Variants in MACROD2 observed in about 807,000 individuals in gnomAD.
MACROD2 encodes the protein ADP-ribose glycohydrolase MACROD2.
A neutral mutation model predicts 70.4 loss-of-function variants in MACROD2; 36 were observed. The observed-to-expected ratio is 0.51, with a 90% CI of 0.39 to 0.68. The LOEUF is 0.68. Among genes scored for constraint, MACROD2 ranks in the 30% least tolerant of loss-of-function variants. The pLI, the probability that MACROD2 is intolerant of heterozygous loss-of-function variation, is 0.00. For synonymous variants in MACROD2, 172 were observed against 178.8 expected, an observed-to-expected ratio of 0.96 and a Z score of 0.30; for missense variants, 496 against 538.4, an observed-to-expected ratio of 0.92 and a Z score of 0.78.
chr20:15,497,970 ATTAACT>A (rs1222619614), intron 7 of MACROD2, among the ~76,000 whole-genome samples: 1 of 152,212 alleles, frequency 6.6e-6, no homozygotes, highest in Non-Finnish European at 1.5e-5. Flanking sequence ...TTAACTGACA[ATTAACT>A]TTAAAGAAAA....
chr20:15,581,978 C>T (rs189220288), intron 8 of MACROD2, among the ~76,000 whole-genome samples: 1 of 152,242 alleles, frequency 6.6e-6, no homozygotes, highest in Admixed American at 6.5e-5. Flanking sequence ...AAAAATTACC[C>T]AGGCATGATG....
At chr20:14,765,709 C>A (rs1215603307) in intron 5 of MACROD2, among the ~76,000 whole-genome samples, 2 of 151,992 alleles carry the variant, frequency 1.3e-5, no homozygotes, top group East Asian at 1.9e-4. Context: ...TAAATAAAAT[C>A]TTTAAAATAA....
rs558633466 is a variant in MACROD2, at chr20:14,483,472, T to C, written c.272-10007T>C. ...CCCAGGCTGGAGTGCAATGGGGCGA[T>C]CTTGGCTCACCGCAACCTCCACCTC... On this transcript the variant is annotated intron_variant, in intron 3 of 17. Transcript: ENST00000684519. Among the ~76,000 whole-genome samples, 19 of 152,188 alleles carry C rather than the reference T, an allele frequency of 1.2e-4. No individual in the cohort carries two copies. The South Asian group carries it at 3.7e-3, about 30-fold the overall frequency.
intron 2 of MACROD2, among the ~76,000 whole-genome samples, chr20:14,082,738 A>G (rs912759455): frequency 6.6e-5 from 10 of 152,138 alleles, no homozygotes; most frequent in African/African-American, 2.4e-4. Context: ...AATGCCTGAT[A>G]GAGTTCTGAA....
At chr20:16,008,729 G>T (rs898387981) in intron 15 of MACROD2, among the ~76,000 whole-genome samples, 8 of 152,182 alleles carry the variant, frequency 5.3e-5, no homozygotes, top group African/African-American at 1.7e-4. Context: ...AATTATTGTG[G>T]TTATCATTGT....
At chr20:15,627,330 T>C (rs1253550960) in intron 8 of MACROD2, among the ~76,000 whole-genome samples, 1 of 151,808 alleles carries the variant, frequency 6.6e-6, no homozygotes, top group Non-Finnish European at 1.5e-5. Context: ...AGTATGGTAA[T>C]GTGACCACCC....
chr20:15,056,833 A>G (rs1375127772), intron 5 of MACROD2, among the ~76,000 whole-genome samples: 1 of 152,226 alleles, frequency 6.6e-6, no homozygotes, highest in Non-Finnish European at 1.5e-5. Flanking sequence ...CACAACAACA[A>G]ATAAGAACTA....
At chr20:14,173,993 A>G (rs1270867213) in intron 3 of MACROD2, among the ~76,000 whole-genome samples, 1 of 152,170 alleles carries the variant, frequency 6.6e-6, no homozygotes, top group Admixed American at 6.5e-5. Context: ...TTTCTCAACC[A>G]TGGATACCAG....
chr20:14,931,850 G>T (rs990573108), intron 5 of MACROD2, among the ~76,000 whole-genome samples: 1 of 147,686 alleles, frequency 6.8e-6, no homozygotes, highest in Non-Finnish European at 1.5e-5. Flanking sequence ...AAAAAAATTA[G>T]CTGGGTGTGA....
chr20:14,729,132 A>G lies in MACROD2; in HGVS notation c.418+44173A>G, dbSNP rs901945799. Among the ~76,000 whole-genome samples the G allele has an allele frequency of 1.3e-4, 20 of 152,284 alleles. No individual in the cohort carries two copies. In the East Asian group the frequency reaches 2.7e-3, roughly 21 times the overall value. ...ATATACAATTTAAAATAAATGGCAC[A>G]AAAGTGCTTGGTAAAGCACTTTATA... On this transcript the variant is annotated intron_variant, in intron 5 of 17. Coordinates refer to ENST00000684519, the MANE Select transcript of MACROD2 (RefSeq NM_001351661.2).
At chr20:15,117,657 T>C (rs2076000907) in intron 5 of MACROD2, among the ~76,000 whole-genome samples, 1 of 152,182 alleles carries the variant, frequency 6.6e-6, no homozygotes, top group African/African-American at 2.4e-5. Flanking sequence ...GTATTATGAC[T>C]GAAGTATTAA....
At chr20:14,191,835 G>A (rs1311633442) in intron 3 of MACROD2, among the ~76,000 whole-genome samples, 2 of 152,232 alleles carry the variant, frequency 1.3e-5, no homozygotes, top group Non-Finnish European at 2.9e-5. Context: ...GAAAGAACAA[G>A]CCAGATCATA....
chr20:15,275,871 C>T (rs766096357), intron 6 of MACROD2, among the ~76,000 whole-genome samples: 1 of 152,100 alleles, frequency 6.6e-6, no homozygotes, highest in Non-Finnish European at 1.5e-5. Context: ...ACTTTGAACT[C>T]CCTTCACTAT....
chr20:15,499,903 T>A (rs2145015), intron 8 of MACROD2, 56 bp downstream of exon 8: 1,064,606 of 1,529,446 alleles, frequency 0.7, 374,145 homozygotes, highest in East Asian at 0.93. Context: ...TGATGCTCAG[T>A]TCCCCCCAAA....
At chr20:15,124,605 A>G (rs541247523) in intron 5 of MACROD2, among the ~76,000 whole-genome samples, 2 of 152,182 alleles carry the variant, frequency 1.3e-5, no homozygotes, top group South Asian at 4.1e-4. Flanking sequence ...TTTACTTTAT[A>G]TGATGTTTAA....
At chr20:14,269,831 A>T (rs577954291) in intron 3 of MACROD2, among the ~76,000 whole-genome samples, 2 of 151,874 alleles carry the variant, frequency 1.3e-5, no homozygotes, top group South Asian at 2.1e-4. Context: ...TTGATTTTTA[A>T]AGAGTGTTTT....
intron 5 of MACROD2, among the ~76,000 whole-genome samples, chr20:15,052,014 G>A (rs535771025): frequency 7.9e-5 from 12 of 152,152 alleles, no homozygotes; most frequent in Non-Finnish European, 1.6e-4. Context: ...GCCTTCCAAA[G>A]TGCTGGGATC....
At chr20:14,116,175 A>T (rs1159819697) in intron 3 of MACROD2, among the ~76,000 whole-genome samples, 1 of 152,220 alleles carries the variant, frequency 6.6e-6, no homozygotes, top group African/African-American at 2.4e-5. Context: ...GCCTCCACTC[A>T]TAAAGTGAAC....
At chr20:14,414,743 C>G (rs527442493) in intron 3 of MACROD2, among the ~76,000 whole-genome samples, 51 of 152,266 alleles carry the variant, frequency 3.3e-4, no homozygotes, top group Admixed American at 8.5e-4. Context: ...CAAGCCTCGA[C>G]TTTGTGTAGG....
Sources: gnomAD v4.1 joint callset for allele counts (sites outside exome capture counted in the v4.1 genomes callset) on GRCh38, gnomAD v4.1.1 for gene constraint, MANE v1.5 for transcripts, NCBI Gene and HGNC (gene_info 2026-07-23, HGNC 2026-07-21) for gene names.